The following CLNK variants were observed in gnomAD, a reference collection of about 807,000 sequenced individuals.
CLNK encodes the protein cytokine-dependent hematopoietic cell linker.
In CLNK, 74 loss-of-function variants were observed where a neutral mutation model predicts 68.6. That is an observed-to-expected ratio of 1.08 (90% confidence interval 0.89 to 1.31). CLNK has a LOEUF of 1.31. Among genes scored for constraint, CLNK ranks in the 50% most tolerant of loss-of-function variants. The pLI, the probability that CLNK is intolerant of heterozygous loss-of-function variation, is 0.00. For synonymous variants in CLNK, 198 were observed against 172.2 expected (o/e 1.15, Z -1.17); for missense variants, 553 against 515.3 (o/e 1.07, Z -0.71).
the CLNK span, among the ~76,000 whole-genome samples, chr4:10,720,331 C>T: frequency 6.6e-6 from 1 of 151,838 alleles, no homozygotes; most frequent in East Asian, 1.9e-4. Context: ...CACAAATTAC[C>T]ATGACTAGGA....
chr4:10,668,074 A>C (rs1361701948), intron 1 of CLNK, among the ~76,000 whole-genome samples, 163 bp from the exon 2 acceptor site: 1 of 152,200 alleles, frequency 6.6e-6, no homozygotes, highest in Admixed American at 6.5e-5. Context: ...TATTTCTGGA[A>C]CACAGTTGGG....
At chr4:10,677,113 T>C (rs1393926384) in intron 1 of CLNK, among the ~76,000 whole-genome samples, 1 of 151,982 alleles carries the variant, frequency 6.6e-6, no homozygotes, top group Non-Finnish European at 1.5e-5. Flanking sequence ...TGCATTGAGA[T>C]GGTACTGAAG....
At chr4:10,498,215 G>T (rs781406159) in intron 18 of CLNK, among the ~76,000 whole-genome samples, 1 of 151,882 alleles carries the variant, frequency 6.6e-6, no homozygotes, top group African/African-American at 2.4e-5. Context: ...AAATAAGCTG[G>T]GTGCTGTGGC....
chr4:10,574,331 C>T (rs78477871), intron 4 of CLNK, among the ~76,000 whole-genome samples: 6,200 of 152,234 alleles, frequency 0.041, 189 homozygotes, highest in Middle Eastern at 0.095. Flanking sequence ...TCTGTGAGGC[C>T]CTACCTTGTG....
At chr4:10,680,849 C>T (rs915312621) in intron 1 of CLNK, among the ~76,000 whole-genome samples, 3 of 152,076 alleles carry the variant, frequency 2.0e-5, no homozygotes, top group African/African-American at 4.8e-5. Flanking sequence ...GACTGGATGG[C>T]GTGGTATAGT....
intron 1 of CLNK, among the ~76,000 whole-genome samples, chr4:10,681,253 T>C (rs1479978247): frequency 1.3e-5 from 2 of 152,194 alleles, no homozygotes; most frequent in African/African-American, 4.8e-5. Context: ...TAGGTCAAAG[T>C]ACCAGAGTGA....
chr4:10,572,202 C>G (rs1374093005), intron 4 of CLNK, among the ~76,000 whole-genome samples: 1 of 152,244 alleles, frequency 6.6e-6, no homozygotes, highest in Non-Finnish European at 1.5e-5. Context: ...TTGCAATAAT[C>G]TGTCCATACA....
At chr4:10,663,634 A>T (rs1369629784) in intron 2 of CLNK, among the ~76,000 whole-genome samples, 1 of 152,216 alleles carries the variant, frequency 6.6e-6, no homozygotes, top group Non-Finnish European at 1.5e-5. Flanking sequence ...AGGTTCACAT[A>T]CACATGTACA....
At chr4:10,571,704 A>C (rs772786741) in intron 5 of CLNK, 37 bp downstream of exon 5, 1 of 1,545,374 alleles carries the variant, frequency 6.5e-7, no homozygotes, top group South Asian at 1.1e-5. Context: ...GCAATATTAA[A>C]GACGTATAAA....
At chr4:10,690,252 C>A in the CLNK span, among the ~76,000 whole-genome samples, 2 of 152,150 alleles carry the variant, frequency 1.3e-5, no homozygotes, top group African/African-American at 2.4e-5. Flanking sequence ...GCCCAACCAC[C>A]CTGACTAAAC....
intron 11 of CLNK, among the ~76,000 whole-genome samples, chr4:10,537,671 C>CT (rs1560206878): frequency 1.5e-5 from 1 of 66,474 alleles, no homozygotes; most frequent in Non-Finnish European, 2.9e-5. Context: ...TTCTTTCTTT[C>CT]TTTCTTTCTT....
intron 18 of CLNK, among the ~76,000 whole-genome samples, chr4:10,496,622 T>G (rs191959102): frequency 6.6e-6 from 1 of 152,338 alleles, no homozygotes; most frequent in East Asian, 1.9e-4. Flanking sequence ...AGGGATTGCT[T>G]GTATTTGCCA....
the CLNK span, among the ~76,000 whole-genome samples, chr4:10,710,938 T>G: frequency 1.3e-5 from 2 of 152,190 alleles, no homozygotes; most frequent in African/African-American, 4.8e-5. Flanking sequence ...TTGCTTTGAC[T>G]TTGGAACCCA....
At chr4:10,535,806 T>A (rs1236214381) in intron 11 of CLNK, among the ~76,000 whole-genome samples, 1 of 152,178 alleles carries the variant, frequency 6.6e-6, no homozygotes, top group Non-Finnish European at 1.5e-5. Flanking sequence ...AATAATTATA[T>A]GTCTTTCTTT....
intron 8 of CLNK, among the ~76,000 whole-genome samples, chr4:10,545,106 C>T (rs757978470): frequency 1.3e-5 from 2 of 152,140 alleles, no homozygotes; most frequent in Non-Finnish European, 2.9e-5. Context: ...CAGCATTCCA[C>T]CCCTGGTTCA....
At chr4:10,693,094 C>T in the CLNK span, among the ~76,000 whole-genome samples, 1 of 152,162 alleles carries the variant, frequency 6.6e-6, no homozygotes, top group Non-Finnish European at 1.5e-5. Context: ...ATTCGGGAAC[C>T]AGCTGGACTT....
intron 12 of CLNK, among the ~76,000 whole-genome samples, chr4:10,528,661 T>G (rs1718420348): frequency 6.6e-6 from 1 of 152,240 alleles, no homozygotes; most frequent in Non-Finnish European, 1.5e-5. Flanking sequence ...ATTAAAAGTT[T>G]GGAATAAAAA....
chr4:10,617,565 G>A (rs2531197), intron 2 of CLNK, among the ~76,000 whole-genome samples: 105,632 of 152,090 alleles, frequency 0.69, 37,571 homozygotes, highest in Non-Finnish European at 0.77. Flanking sequence ...AAACTCTCTG[G>A]TAAATTAAAT....
rs117817389 is a variant in CLNK at position 10,606,555 on chromosome 4, A to G, written c.12-8506T>C. On this transcript the variant is annotated intron_variant, in intron 2 of 18. Coordinates refer to ENST00000226951, the MANE Select transcript of CLNK (RefSeq NM_052964.4). ...TACTAAGTATTGTGTACTTTACGTA[A>G]TTGTATGTGATATGCTTTTATATGC... Among the ~76,000 whole-genome samples the G allele has an allele frequency of 8.4e-3, 1,284 of 152,324 alleles. 70 individuals are homozygous for G. The highest frequency in any genetic ancestry group is 0.076 in the Admixed American group (1,158 of 15,296).
Sources: allele counts gnomAD v4.1 joint callset (sites outside exome capture counted in the v4.1 genomes callset), GRCh38; gene constraint gnomAD v4.1.1; transcripts MANE v1.5; gene names NCBI Gene and HGNC (gene_info 2026-07-23, HGNC 2026-07-21).